The following WWOX variants were observed in gnomAD, a reference collection of about 807,000 sequenced individuals.
The protein encoded by WWOX is WW domain-containing oxidoreductase.
A neutral mutation model predicts 46.2 loss-of-function variants in WWOX; 69 were observed. The ratio of observed to expected loss-of-function variants is 1.49; its 90% CI spans 1.23 to 1.82. The LOEUF is 1.82. Among genes scored for constraint, WWOX ranks in the 40% most tolerant of loss-of-function variants. The pLI, the probability that WWOX is intolerant of heterozygous loss-of-function variation, is 0.00. For synonymous variants in WWOX, 359 were observed against 202.6 expected (o/e 1.77, Z -6.56); for missense variants, 919 against 542.6 (o/e 1.69, Z -6.89).
At chr16:78,335,222 C>G (rs1409152412) in intron 5 of WWOX, among the ~76,000 whole-genome samples, 3 of 152,150 alleles carry the variant, frequency 2.0e-5, no homozygotes, top group Non-Finnish European at 4.4e-5. Context: ...CTGCAGAGAT[C>G]AACTTATCAC....
intron 5 of WWOX, among the ~76,000 whole-genome samples, chr16:78,335,337 C>A (rs192568473): frequency 7.6e-4 from 115 of 152,276 alleles, no homozygotes; most frequent in African/African-American, 2.7e-3. Context: ...TCCATGTGTT[C>A]TCATCATGCA....
At chr16:78,666,281 A>G (rs921857633) in intron 8 of WWOX, among the ~76,000 whole-genome samples, 3 of 151,962 alleles carry the variant, frequency 2.0e-5, no homozygotes, top group African/African-American at 7.2e-5. Context: ...AGAGCAAGAC[A>G]CTGTCTCTTT....
chr16:79,130,528 C>G (rs996294554), intron 8 of WWOX, among the ~76,000 whole-genome samples: 1 of 152,128 alleles, frequency 6.6e-6, no homozygotes, highest in Non-Finnish European at 1.5e-5. Flanking sequence ...GATCAGGACT[C>G]AAGGACTGTG....
At chr16:78,929,043 T>C (rs2151278649) in intron 8 of WWOX, among the ~76,000 whole-genome samples, 1 of 152,332 alleles carries the variant, frequency 6.6e-6, no homozygotes, top group East Asian at 1.9e-4. Flanking sequence ...TTTTAAAGAA[T>C]TTCCTTTTTG....
At chr16:79,035,738 C>A (rs2047853528) in intron 8 of WWOX, among the ~76,000 whole-genome samples, 1 of 151,512 alleles carries the variant, frequency 6.6e-6, no homozygotes, top group Non-Finnish European at 1.5e-5. Context: ...GGGGTTTCGC[C>A]ATGTTGGCCA....
At chr16:78,652,772 T>G (rs929520800) in intron 8 of WWOX, among the ~76,000 whole-genome samples, 2 of 152,214 alleles carry the variant, frequency 1.3e-5, no homozygotes, top group African/African-American at 4.8e-5. Context: ...AGCAGATATT[T>G]CTTTAATACG....
At chr16:78,534,454 G>GA (rs2043707837) in intron 8 of WWOX, 1 of 152,136 alleles carries the variant, frequency 6.6e-6, no homozygotes, top group African/African-American at 2.4e-5. Flanking sequence ...AATTTCCCTG[G>GA]AAACTCAATT....
intron 8 of WWOX, among the ~76,000 whole-genome samples, chr16:78,498,684 C>A (rs1271641616): frequency 6.6e-6 from 1 of 152,162 alleles, no homozygotes; most frequent in Non-Finnish European, 1.5e-5. Context: ...TAGGCCGATT[C>A]CCCATTCTCT....
intron 8 of WWOX, among the ~76,000 whole-genome samples, chr16:78,982,294 G>C (rs1567458090): frequency 6.6e-6 from 1 of 152,206 alleles, no homozygotes; most frequent in African/African-American, 2.4e-5. Flanking sequence ...GACTTTGAAA[G>C]CGTGATTTTG....
chr16:78,397,225 A>G (rs915471716), intron 6 of WWOX, among the ~76,000 whole-genome samples: 1 of 150,914 alleles, frequency 6.6e-6, no homozygotes, highest in Non-Finnish European at 1.5e-5. Context: ...CAATAAGACA[A>G]CTAAGTGCTG....
intron 8 of WWOX, chr16:79,016,217 TA>T (rs1358463207): frequency 6.6e-6 from 1 of 152,230 alleles, no homozygotes; most frequent in Admixed American, 6.5e-5. Flanking sequence ...TAATACCTTG[TA>T]CCCCAATGAG....
chr16:79,127,963 C>T (rs1033307294), intron 8 of WWOX, among the ~76,000 whole-genome samples: 2 of 152,092 alleles, frequency 1.3e-5, no homozygotes, highest in African/African-American at 4.8e-5. Context: ...TACGCAAAGG[C>T]CTGGTCTGAT....
At chr16:78,584,568 C>A (rs1010021203) in intron 8 of WWOX, among the ~76,000 whole-genome samples, 1 of 152,124 alleles carries the variant, frequency 6.6e-6, no homozygotes, top group African/African-American at 2.4e-5. Flanking sequence ...TTAATATATA[C>A]CTTTTAAAGT....
chr16:78,449,878 A>G (rs1313609405), intron 8 of WWOX, among the ~76,000 whole-genome samples: 1 of 151,552 alleles, frequency 6.6e-6, no homozygotes, highest in Admixed American at 6.6e-5. Context: ...AGTTACAAAA[A>G]CTAGCCAGAA....
intron 8 of WWOX, among the ~76,000 whole-genome samples, chr16:79,109,162 C>G (rs1446195741): frequency 6.6e-6 from 1 of 152,092 alleles, no homozygotes; most frequent in Non-Finnish European, 1.5e-5. Flanking sequence ...CTTTTCATCT[C>G]AGGCCAGTTC....
chr16:78,599,584 G>C (rs967341915), intron 8 of WWOX, among the ~76,000 whole-genome samples: 3 of 152,176 alleles, frequency 2.0e-5, no homozygotes, highest in Non-Finnish European at 2.9e-5. Flanking sequence ...CCACTTAATT[G>C]TTCCTGACAC....
At chr16:78,161,432 C>T (rs2034789842) in intron 4 of WWOX, among the ~76,000 whole-genome samples, 1 of 148,676 alleles carries the variant, frequency 6.7e-6, no homozygotes, top group East Asian at 2.0e-4. Context: ...CTCTCTCTTT[C>T]TTTCTCTTTC....
intron 4 of WWOX, among the ~76,000 whole-genome samples, chr16:78,147,046 G>A (rs1187413961): frequency 6.6e-6 from 1 of 151,882 alleles, no homozygotes; most frequent in Non-Finnish European, 1.5e-5. Context: ...AACAACAATA[G>A]TAACAAACAC....
At chr16:78,215,522 A>G (rs11639934) in intron 5 of WWOX, among the ~76,000 whole-genome samples, 47,139 of 152,068 alleles carry the variant, frequency 0.31, 7,471 homozygotes, top group African/African-American at 0.36. Context: ...GCCTTCTGCC[A>G]TGATTGTAAG....
Sources: gnomAD v4.1 joint callset for allele counts (sites outside exome capture counted in the v4.1 genomes callset) on GRCh38, gnomAD v4.1.1 for gene constraint, MANE v1.5 for transcripts, NCBI Gene and HGNC (gene_info 2026-07-23, HGNC 2026-07-21) for gene names.